LIMS2: variants seen among roughly 807,000 people sequenced by gnomAD.
LIMS2 encodes LIM zinc finger domain containing 2.
Under a neutral mutation model 45.3 loss-of-function variants are expected in LIMS2, and 30 were observed. The ratio of observed to expected loss-of-function variants is 0.66; its 90% CI spans 0.50 to 0.90. The LOEUF is 0.90. Among genes scored for constraint, LIMS2 ranks in the 40% least tolerant of loss-of-function variants. The pLI is 0.00. For missense variants in LIMS2, 485 were observed against 468.7 expected (o/e 1.03, Z -0.32); for synonymous variants, 173 against 188.0 (o/e 0.92, Z 0.65).
At chr2:127,659,704 A>G (rs1373646625) in intron 1 of LIMS2, among the ~76,000 whole-genome samples, 1 of 152,180 alleles carries the variant, frequency 6.6e-6, no homozygotes, top group East Asian at 1.9e-4. Flanking sequence ...CCAGAAAACG[A>G]AGCCAAATTA....
intron 4 of LIMS2, chr2:127,650,056 A>C: frequency 6.2e-7 from 1 of 1,607,680 alleles, no homozygotes; most frequent in South Asian, 1.1e-5. Flanking sequence ...AGCCCCCAAG[A>C]GAGATGCTGA....
rs70985469 is a variant in LIMS2 at position 127,668,668 on chromosome 2, CAAAAAAAAAAAAAAAAAAAAAAAAA to C, written c.11+6321_11+6345del. 7.7e-3 allele frequency among the ~76,000 whole-genome samples: 133 copies of C among 17,270 alleles called. 3 individuals are homozygous for C. The East Asian group carries it at 0.11, about 14-fold the overall frequency. The allele number at this position is 17,270 out of a possible 152,430, so 11.3% of individuals were successfully genotyped here. Reference sequence around the variant, plus strand: ...TGGGTGACAGAGTGAGACTCCGTCTCAAAAAAAAAAAAAAAAAAAAAAAAAAAAAAAAAAAAAAAAAAACACCTTA... The same window carrying C: ...TGGGTGACAGAGTGAGACTCCGTCTCAAAAAAAAAAAAAAAAAACACCTTA... On this transcript the variant is annotated intron_variant, in intron 1 of 9. Transcript: ENST00000355119.
In LIMS2 at chr2:127,668,694, A is replaced by ACC. The variant is rs1558901409; in HGVS notation, c.11+6319_11+6320insGG. Among the ~76,000 whole-genome samples, 99 of 134,316 alleles carry ACC rather than the reference A, an allele frequency of 7.4e-4. 1 individual carries two copies. Among genetic ancestry groups the ACC allele is most frequent in the East Asian group, 1.3e-3 (6 of 4,748 alleles). 88.1% of individuals were successfully genotyped at this position (134,316 alleles called of 152,430 possible). On this transcript the variant is annotated intron_variant, in intron 1 of 9. Transcript: ENST00000355119. ...AAAAAAAAAAAAAAAAAAAAAAAAA[A>ACC]AAAAAAAAAAAAAAAAACACCTTAC...
chr2:127,652,135 A>G (rs1475710135), intron 4 of LIMS2: 1 of 266,596 alleles, frequency 3.8e-6, no homozygotes, highest in Admixed American at 5.0e-5. Context: ...CCCTGAAGGC[A>G]GGCTGCAAAT....
intron 3 of LIMS2, 74 bp downstream of exon 3, chr2:127,654,756 C>T: frequency 2.0e-6 from 3 of 1,534,468 alleles, no homozygotes; most frequent in Non-Finnish European, 2.7e-6. Flanking sequence ...CTGTGTACCC[C>T]CTCGGCCCCC....
chr2:127,641,312 C>T (rs1573751520), intron 6 of LIMS2: 3 of 272,774 alleles, frequency 1.1e-5, no homozygotes, highest in Non-Finnish European at 2.2e-5. Flanking sequence ...GCAGCCTCAG[C>T]CCCAGGAGTC....
In LIMS2 at chr2:127,672,300, A is replaced by C. The variant is rs1432850738; in HGVS notation, c.11+2714T>G. Among the ~76,000 whole-genome samples the C allele has an allele frequency of 6.6e-6, 1 of 152,140 alleles. No individual in the cohort carries two copies. The highest frequency in any genetic ancestry group is 1.5e-5 in the Non-Finnish European group (1 of 68,016). On this transcript the variant is annotated intron_variant, in intron 1 of 9. Transcript: ENST00000355119. This position sits in a 1 kb window ranked among gnomAD's most constrained non-coding sequence, Gnocchi z 4.9. ...CAAAGATCTTGTGGTTGTAAGTTGCAAAGTCCCTGAGTTGCTGCTGAGGCC... is the reference window on the plus strand; with the variant it reads ...CAAAGATCTTGTGGTTGTAAGTTGCCAAGTCCCTGAGTTGCTGCTGAGGCC...
At chr2:127,662,088 C>T (rs1428016868) in intron 1 of LIMS2, among the ~76,000 whole-genome samples, 1 of 152,194 alleles carries the variant, frequency 6.6e-6, no homozygotes, top group African/African-American at 2.4e-5. Flanking sequence ...GCCTGAGCAG[C>T]AGTCAGACCA....
At chr2:127,676,802 G>A (rs894082246), upstream of LIMS2, among the ~76,000 whole-genome samples, 1 of 152,188 alleles carries the variant, frequency 6.6e-6, no homozygotes, top group Non-Finnish European at 1.5e-5. Flanking sequence ...TACTGACACA[G>A]AGGTGTAGGC....
At position 127,640,314 on chromosome 2, in the gene LIMS2, A is replaced by C. The variant is rs1682282037; in HGVS notation, c.758T>G (p.Phe253Cys). Residue 253 changes from phenylalanine (F) to cysteine (C), a missense_variant, in exon 8 of 10, where the codon TTC becomes TGC. Transcript: ENST00000355119. ...AYCETHYNQL[F>C]GDVCYNCSHV... ...GCTGCAGTTGTAGCAGACGTCCCCG[A>C]AGAGCTGTGGGCCGAGCAGGCTGTC... 1.2e-6 allele frequency: 2 copies of C among 1,612,752 alleles called. No individual in the cohort carries two copies. Among genetic ancestry groups the C allele is most frequent in the Non-Finnish European group, 1.7e-6 (2 of 1,179,936 alleles).
intron 4 of LIMS2, chr2:127,650,003 C>A: frequency 1.2e-6 from 2 of 1,605,992 alleles, no homozygotes; most frequent in Non-Finnish European, 1.7e-6. Context: ...GGTCTCCCCA[C>A]CTGTCAGGAT....
intron 4 of LIMS2, chr2:127,648,150 T>C: frequency 1.0e-6 from 1 of 985,326 alleles, no homozygotes; most frequent in Non-Finnish European, 1.2e-6. Flanking sequence ...CCTGGATTCC[T>C]GGGGAATGGG....
Position 127,653,246 on chromosome 2 carries a change from C to T in LIMS2, c.359+1178G>A, listed in dbSNP as rs1683981119. ...AGGAGCTGCGGGAGGGAGCAGAGTG[C>T]CCGGACAGAGAGAGTGTGGCAGGGG... On this transcript the variant is annotated intron_variant, in intron 4 of 9. Transcript: ENST00000355119. This position sits in a 1 kb window ranked among gnomAD's most constrained non-coding sequence, Gnocchi z 5.3. 2.6e-5 allele frequency among the ~76,000 whole-genome samples: 4 copies of T among 152,236 alleles called. No homozygotes were observed. In the South Asian group the frequency reaches 6.2e-4, roughly 24 times the overall value.
intron 4 of LIMS2, among the ~76,000 whole-genome samples, chr2:127,645,152 T>C (rs1682829623): frequency 6.6e-6 from 1 of 152,164 alleles, no homozygotes; most frequent in South Asian, 2.1e-4. Flanking sequence ...TTCCTACTGT[T>C]TGTTGATGGG....
chr2:127,672,120 T>C lies in LIMS2; in HGVS notation c.11+2894A>G, dbSNP rs1685295294. ...ACACCATGGGTGGGACTCCACTTTA[T>C]GCAGCCAAGCCACTGAGCTCACGTG... is the stretch of plus-strand genomic sequence containing the variant. On this transcript the variant is annotated intron_variant, in intron 1 of 9. Coordinates refer to ENST00000355119, the MANE Select transcript of LIMS2 (RefSeq NM_001161403.3). The surrounding 1 kb of genome is among the most constrained non-coding windows in gnomAD (Gnocchi z 4.9). Among the ~76,000 whole-genome samples the C allele has an allele frequency of 6.6e-6, 1 of 152,204 alleles. No homozygotes were observed. Among genetic ancestry groups the C allele is most frequent in the South Asian group, 2.1e-4 (1 of 4,830 alleles).
chr2:127,664,738 G>T lies in LIMS2; in HGVS notation c.12-7176C>A. 5.3e-6 allele frequency: 2 copies of T among 380,260 alleles called. No individual in the cohort carries two copies. The highest frequency in any genetic ancestry group is 7.2e-6 in the Non-Finnish European group (2 of 276,782). 23.6% of individuals were successfully genotyped at this position (380,260 alleles called of 1,614,324 possible). A position where few individuals can be genotyped will look rare whatever the true frequency, so the allele number is the denominator to read the frequency against. On this transcript the variant is annotated intron_variant, in intron 1 of 9. Coordinates refer to ENST00000355119, the MANE Select transcript of LIMS2 (RefSeq NM_001161403.3). The surrounding 1 kb of genome is among the most constrained non-coding windows in gnomAD (Gnocchi z 5.5). ...CAGGACACCCAGGAGGTCTCCGGCTGCCACCTGCCAGGAGGAAAGCCTGTG... is the reference window on the plus strand; with the variant it reads ...CAGGACACCCAGGAGGTCTCCGGCTTCCACCTGCCAGGAGGAAAGCCTGTG...
chr2:127,652,038 C>A, intron 4 of LIMS2: 1 of 470,552 alleles, frequency 2.1e-6, no homozygotes, highest in Non-Finnish European at 3.9e-6. Context: ...AGAACAACCC[C>A]TGAACAATGG....
intron 1 of LIMS2, among the ~76,000 whole-genome samples, chr2:127,662,347 G>A (rs1684724569): frequency 6.6e-6 from 1 of 152,260 alleles, no homozygotes. Context: ...TATTCCAGAT[G>A]CAGAGGGTTT....
chr2:127,669,188 A>G (rs1685170108), intron 1 of LIMS2, among the ~76,000 whole-genome samples: 1 of 152,240 alleles, frequency 6.6e-6, no homozygotes, highest in South Asian at 2.1e-4. Flanking sequence ...CTTATCAACA[A>G]ATGATGCTAG....
Sources: gnomAD v4.1 joint callset for allele counts (sites outside exome capture counted in the v4.1 genomes callset) on GRCh38, gnomAD v4.1.1 for gene constraint, Gnocchi (gnomAD v3.1) non-coding constraint, MANE v1.5 for transcripts, NCBI Gene and HGNC (gene_info 2026-07-23, HGNC 2026-07-21) for gene names.